Variants in CPA6 observed in about 807,000 individuals in gnomAD.
The protein encoded by CPA6 is carboxypeptidase B.
A neutral mutation model predicts 63.3 loss-of-function variants in CPA6; 58 were observed. The observed-to-expected ratio is 0.92, with a 90% confidence interval of 0.74 to 1.14. The LOEUF (loss-of-function observed/expected upper bound fraction) is 1.14. Ranked by LOEUF, CPA6 falls within the 50% of genes most tolerant of loss-of-function variation. The pLI is 0.00. For missense variants in CPA6, 565 were observed against 526.6 expected (o/e 1.07, Z -0.71); for synonymous variants, 185 against 179.0 (o/e 1.03, Z -0.27).
rs144338918 is a variant in CPA6 at position 67,703,230 on chromosome 8, G to A, written c.116+42784C>T. 2.1e-3 allele frequency among the ~76,000 whole-genome samples: 315 copies of A among 152,232 alleles called. 3 individuals carry two copies. Among genetic ancestry groups the A allele is most frequent in the South Asian group, 0.012 (56 of 4,818 alleles). On this transcript the variant is annotated intron_variant, in intron 1 of 10. Transcript: ENST00000297770. ...TATTAACCAGTCCCCAGGACAACTT[G>A]TCTTGGTCTCAGTGGCTCTGCTCCC...
intron 8 of CPA6, among the ~76,000 whole-genome samples, chr8:67,476,528 A>G (rs893967690): frequency 1.3e-5 from 2 of 150,054 alleles, no homozygotes; most frequent in South Asian, 2.1e-4. Flanking sequence ...TTCTTACCAT[A>G]CATTCCCAAT....
intron 2 of CPA6, among the ~76,000 whole-genome samples, chr8:67,569,059 G>GT (rs1369188311): frequency 6.6e-6 from 1 of 152,122 alleles, no homozygotes; most frequent in Non-Finnish European, 1.5e-5. Flanking sequence ...CAGGAAGAGT[G>GT]TTTTTAAAAA....
At chr8:67,503,473 T>TAA (rs1395793545) in intron 6 of CPA6, among the ~76,000 whole-genome samples, 8 of 149,542 alleles carry the variant, frequency 5.3e-5, no homozygotes, top group African/African-American at 2.0e-4. Context: ...ATTAAATTTT[T>TAA]TTTTTTTTTT....
At chr8:67,475,750 T>C (rs990516630) in intron 8 of CPA6, among the ~76,000 whole-genome samples, 11 of 148,976 alleles carry the variant, frequency 7.4e-5, no homozygotes, top group African/African-American at 2.7e-4. Flanking sequence ...TTTCCTTCTT[T>C]CTTTTTTTCT....
At chr8:67,488,510 G>T (rs1054562103) in intron 6 of CPA6, among the ~76,000 whole-genome samples, 1 of 152,118 alleles carries the variant, frequency 6.6e-6, no homozygotes. Context: ...TTGTTCTTTT[G>T]GCTTAGGATT....
At chr8:67,673,382 T>A (rs1816393080) in intron 1 of CPA6, among the ~76,000 whole-genome samples, 2 of 68,602 alleles carry the variant, frequency 2.9e-5, no homozygotes, top group African/African-American at 3.2e-4. Flanking sequence ...TTATTATTAT[T>A]TATTTATTTT....
chr8:67,443,116 G>T (rs1240934684), intron 8 of CPA6, among the ~76,000 whole-genome samples: 2 of 151,256 alleles, frequency 1.3e-5, no homozygotes, highest in African/African-American at 2.4e-5. Context: ...AGGCTGGAGT[G>T]TGGTGGCATG....
At chr8:67,568,813 C>T (rs750856467) in intron 2 of CPA6, among the ~76,000 whole-genome samples, 7 of 152,158 alleles carry the variant, frequency 4.6e-5, no homozygotes, top group Non-Finnish European at 8.8e-5. Context: ...TGCAGTGGCA[C>T]GATCTCGGCT....
At chr8:67,546,900 C>T (rs554613020) in intron 2 of CPA6, among the ~76,000 whole-genome samples, 3 of 152,208 alleles carry the variant, frequency 2.0e-5, no homozygotes, top group African/African-American at 4.8e-5. Context: ...TTACAGCTCA[C>T]GGTGGCCTCC....
chr8:67,450,178 C>A (rs1810524097), intron 8 of CPA6, among the ~76,000 whole-genome samples: 1 of 152,088 alleles, frequency 6.6e-6, no homozygotes, highest in South Asian at 2.1e-4. Flanking sequence ...AAAAATATAA[C>A]CCATTCAATA....
At chr8:67,470,611 TATTAAC>T (rs1481539011) in intron 8 of CPA6, among the ~76,000 whole-genome samples, 1 of 152,202 alleles carries the variant, frequency 6.6e-6, no homozygotes, top group Non-Finnish European at 1.5e-5. Context: ...TTGTGTGGAC[TATTAAC>T]ATTATTTTTA....
intron 6 of CPA6, among the ~76,000 whole-genome samples, chr8:67,497,674 T>C (rs1396770310): frequency 6.6e-6 from 1 of 152,148 alleles, no homozygotes; most frequent in Non-Finnish European, 1.5e-5. Flanking sequence ...TCAACCCTAT[T>C]TTAACTTGGT....
chr8:67,592,748 T>C (rs1814169396), intron 2 of CPA6, among the ~76,000 whole-genome samples: 1 of 152,214 alleles, frequency 6.6e-6, no homozygotes, highest in Non-Finnish European at 1.5e-5. Context: ...CTTTATCATT[T>C]TTTATTGCGT....
rs1458336824 is a variant in CPA6 at position 67,496,531 on chromosome 8, A to ATATG, written c.636+10255_636+10256insCATA. Among the ~76,000 whole-genome samples the ATATG allele has an allele frequency of 4.1e-4, 55 of 134,358 alleles. 1 individual carries two copies. Among genetic ancestry groups the ATATG allele is most frequent in the African/African-American group, 1.5e-3 (50 of 33,482 alleles). 88.1% of individuals were successfully genotyped at this position (134,358 alleles called of 152,430 possible). A position where few individuals can be genotyped will look rare whatever the true frequency, so the allele number is the denominator to read the frequency against. On this transcript the variant is annotated intron_variant, in intron 6 of 10. Transcript: ENST00000297770. The stretch of plus-strand genomic sequence containing the variant: ...ACCACTATATAGTTTATATATATAT[A>ATATG]TATATATATATATATATATATATAT...
At position 67,483,832 on chromosome 8, in the gene CPA6, T is replaced by C. The variant is rs202096290; in HGVS notation, c.774A>G (p.Ser258=). ...TNDRFWRKTR[S]RNSRFRCRGV... ...CACGGCAGCGAAACCTTGAGTTCCT[T>C]GACCTTGTTTTTCTCCAAAATCGAT... Residue 258 remains serine (S), a synonymous_variant, in exon 8 of 11, where the codon TCA becomes TCG. Coordinates refer to ENST00000297770, the MANE Select transcript of CPA6 (RefSeq NM_020361.5). 1 of 1,614,162 alleles carries C rather than the reference T, an allele frequency of 6.2e-7. No individual in the cohort carries two copies. Among genetic ancestry groups the C allele is most frequent in the Non-Finnish European group, 8.5e-7 (1 of 1,179,998 alleles).
At chr8:67,435,667 T>C (rs925975516) in intron 8 of CPA6, among the ~76,000 whole-genome samples, 1 of 151,998 alleles carries the variant, frequency 6.6e-6, no homozygotes, top group African/African-American at 2.4e-5. Flanking sequence ...TGTCTGCCTG[T>C]CTCTCTCCTC....
chr8:67,473,327 A>G (rs531698755), intron 8 of CPA6, among the ~76,000 whole-genome samples: 9 of 152,336 alleles, frequency 5.9e-5, no homozygotes, highest in Admixed American at 4.6e-4. Flanking sequence ...CTAAGGAGGG[A>G]GATAATAGCT....
chr8:67,703,932 TTTG>T (rs527699818), intron 1 of CPA6, among the ~76,000 whole-genome samples: 37 of 149,998 alleles, frequency 2.5e-4, no homozygotes, highest in Admixed American at 1.7e-3. Context: ...CTGCTTTTTT[TTTG>T]TTGTTGTTGT....
In CPA6 at chr8:67,721,273, A is replaced by G. The variant is rs188463303; in HGVS notation, c.116+24741T>C. On this transcript the variant is annotated intron_variant, in intron 1 of 10. Transcript: ENST00000297770. ...GCCTTAGAGGCTAAAAAGAAATACCATGCGTGCCATTTGCTTTGTCTCAGT... is the reference window on the plus strand; with the variant it reads ...GCCTTAGAGGCTAAAAAGAAATACCGTGCGTGCCATTTGCTTTGTCTCAGT... Among the ~76,000 whole-genome samples, 4 of 152,334 alleles carry G rather than the reference A, an allele frequency of 2.6e-5. No individual in the cohort carries two copies. The East Asian group carries it at 7.7e-4, about 29-fold the overall frequency.
Sources: gnomAD v4.1 joint callset for allele counts (sites outside exome capture counted in the v4.1 genomes callset) on GRCh38, gnomAD v4.1.1 for gene constraint, MANE v1.5 for transcripts, NCBI Gene and HGNC (gene_info 2026-07-23, HGNC 2026-07-21) for gene names.